DNASE1L2: variants seen among roughly 807,000 people sequenced by gnomAD.
DNASE1L2 encodes deoxyribonuclease 1 like 2.
In DNASE1L2, 35 loss-of-function variants were observed where a neutral mutation model predicts 31.8. The ratio of observed to expected loss-of-function variants is 1.10; its 90% CI spans 0.84 to 1.46. DNASE1L2 has a LOEUF of 1.46. DNASE1L2 is among the 40% of genes most tolerant of loss of function. The pLI, the probability that DNASE1L2 is intolerant of heterozygous loss-of-function variation, is 0.00. For missense variants in DNASE1L2, 504 were observed against 418.8 expected (o/e 1.20, Z -1.77); for synonymous variants, 211 against 186.5 (o/e 1.13, Z -1.07).
chr16:2,238,480 G>T lies in DNASE1L2; in HGVS notation c.*62G>T. The T allele has an allele frequency of 6.2e-7, 1 of 1,604,346 alleles. No homozygotes were observed. Among genetic ancestry groups the T allele is most frequent in the Non-Finnish European group, 8.5e-7 (1 of 1,172,878 alleles). On this transcript the variant is annotated 3_prime_UTR_variant, in exon 7 of 7. Transcript: ENST00000320700. The stretch of plus-strand genomic sequence containing the variant: ...TGGCTCTGAGGAATGGCCCAACAGT[G>T]GCCCCTTCAGGGTGGCAGCCACCCT...
In DNASE1L2 at chr16:2,236,921, CA is replaced by C. The variant is rs1418457762; in HGVS notation, c.108del (p.Val37CysfsTer51). On this transcript the variant is annotated frameshift_variant, in exon 2 of 7. Coordinates refer to ENST00000320700, the MANE Select transcript of DNASE1L2 (RefSeq NM_001374.3). LOFTEE classifies it high-confidence loss of function. ...AFNIQSFGDS[K>X]VSDPACGSII... ...TCAACATTCAGAGCTTCGGTGACAG[CA>C]AAGTGTCGGACCCCGCTTGCGGCAG... is the stretch of plus-strand genomic sequence containing the variant. 2 of 1,582,886 alleles carry C rather than the reference CA, an allele frequency of 1.3e-6. No individual in the cohort carries two copies. Among genetic ancestry groups the C allele is most frequent in the African/African-American group, 2.7e-5 (2 of 74,582 alleles).
Position 2,237,369 on chromosome 16 carries a change from C to A in DNASE1L2, c.318-7C>A. 6.2e-7 allele frequency: 1 copy of A among 1,602,648 alleles called. No homozygotes were observed. The highest frequency in any genetic ancestry group is 8.5e-7 in the Non-Finnish European group (1 of 1,176,380). The stretch of plus-strand genomic sequence containing the variant: ...CGGGGGCTCAGCGGGTCCTCCCCAT[C>A]TCCTAGGAAAGACGCGGTGTCGGTC... On this transcript the variant is annotated splice_polypyrimidine_tract_variant and splice_region_variant and intron_variant, in intron 4 of 6. Coordinates refer to ENST00000320700, the MANE Select transcript of DNASE1L2 (RefSeq NM_001374.3).
chr16:2,238,557 C>G lies in DNASE1L2; in HGVS notation c.*139C>G. On this transcript the variant is annotated 3_prime_UTR_variant, in exon 7 of 7. Transcript: ENST00000320700. The stretch of plus-strand genomic sequence containing the variant: ...CTGGGCGTGGACCAGGGGCCATGGA[C>G]ACGTGATGTGCTGCTCTGTACCTCC... The G allele has an allele frequency of 1.0e-6, 1 of 988,392 alleles. No individual in the cohort carries two copies. The highest frequency in any genetic ancestry group is 1.6e-6 in the Non-Finnish European group (1 of 642,276). 61.2% of individuals were successfully genotyped at this position (988,392 alleles called of 1,614,324 possible).
chr16:2,238,679 C>T lies in DNASE1L2; in HGVS notation c.*261C>T. On this transcript the variant is annotated 3_prime_UTR_variant, in exon 7 of 7. Coordinates refer to ENST00000320700, the MANE Select transcript of DNASE1L2 (RefSeq NM_001374.3). ...GGGCACTGCCCGGCAGATGTCTGCT[C>T]AATAAATGAGCTGCTCCCGGTCGGG... The T allele has an allele frequency of 3.7e-6, 2 of 545,486 alleles. No individual in the cohort carries two copies. The highest frequency in any genetic ancestry group is 6.6e-6 in the Non-Finnish European group (2 of 301,004). 33.8% of individuals were successfully genotyped at this position (545,486 alleles called of 1,614,324 possible). A position where few individuals can be genotyped will look rare whatever the true frequency, so the allele number is the denominator to read the frequency against.
chr16:2,237,676 C>A (rs762741395), intron 5 of DNASE1L2, 27 bp downstream of exon 5: 29 of 1,589,930 alleles, frequency 1.8e-5, no homozygotes, highest in Non-Finnish European at 1.7e-6. Context: ...GTCCCGGGGT[C>A]CCTGCAGGCG....
chr16:2,238,684 A>C lies in DNASE1L2; in HGVS notation c.*266A>C. ...CTGCCCGGCAGATGTCTGCTCAATA[A>C]ATGAGCTGCTCCCGGTCGGGCCCCA... On this transcript the variant is annotated 3_prime_UTR_variant, in exon 7 of 7. Transcript: ENST00000320700. 4 of 512,930 alleles carry C rather than the reference A, an allele frequency of 7.8e-6. No homozygotes were observed. The highest frequency in any genetic ancestry group is 7.1e-6 in the Non-Finnish European group (2 of 280,688). The allele number at this position is 512,930 out of a possible 1,614,324, so 31.8% of individuals were successfully genotyped here. A position where few individuals can be genotyped will look rare whatever the true frequency, so the allele number is the denominator to read the frequency against.
chr16:2,236,555 T>A lies in DNASE1L2; in HGVS notation c.-45T>A. The stretch of plus-strand genomic sequence containing the variant: ...TGAGCCTCGGGCCTCTGCACCCACA[T>A]CCAAGGTGAGTCTCTCGGCTGCCCT... On this transcript the variant is annotated 5_prime_UTR_variant, in exon 1 of 7. Coordinates refer to ENST00000320700, the MANE Select transcript of DNASE1L2 (RefSeq NM_001374.3). 1 of 1,267,044 alleles carries A rather than the reference T, an allele frequency of 7.9e-7. No homozygotes were observed. The highest frequency in any genetic ancestry group is 9.9e-7 in the Non-Finnish European group (1 of 1,008,566). The allele number at this position is 1,267,044 out of a possible 1,614,324, so 78.5% of individuals were successfully genotyped here.
At chr16:2,236,615 G>T (rs780864678) in intron 1 of DNASE1L2, 55 bp downstream of exon 1, 27 of 1,349,582 alleles carry the variant, frequency 2.0e-5, no homozygotes, top group Non-Finnish European at 2.6e-5. Flanking sequence ...CCTCCATTCC[G>T]GCTGCAGCTT....
Position 2,236,571 on chromosome 16 carries a change from C to T in DNASE1L2, c.-40+11C>T. ...GCACCCACATCCAAGGTGAGTCTCT[C>T]GGCTGCCCTGAGCTGGGGCTGGATG... is the stretch of plus-strand genomic sequence containing the variant. On this transcript the variant is annotated intron_variant, in intron 1 of 6. Coordinates refer to ENST00000320700, the MANE Select transcript of DNASE1L2 (RefSeq NM_001374.3). 7.7e-7 allele frequency: 1 copy of T among 1,290,418 alleles called. No homozygotes were observed. The highest frequency in any genetic ancestry group is 3.1e-5 in the East Asian group (1 of 32,326). 79.9% of individuals were successfully genotyped at this position (1,290,418 alleles called of 1,614,324 possible). A position where few individuals can be genotyped will look rare whatever the true frequency, so the allele number is the denominator to read the frequency against.
In DNASE1L2 at chr16:2,237,607, C is replaced by A; in HGVS notation, c.549C>A (p.Leu183=). 6.2e-7 allele frequency: 1 copy of A among 1,611,504 alleles called. No individual in the cohort carries two copies. The highest frequency in any genetic ancestry group is 8.5e-7 in the Non-Finnish European group (1 of 1,179,274). ...AAGCCGTGGCGGAGATCGACGCGCT[C>A]TACGACGTGTACCTGGACGTGATCG... The part of the protein sequence containing the change: ...PHQAVAEIDA[L]YDVYLDVIDK... The change falls in exon 5 of 7, where the codon CTC becomes CTA. Residue 183 remains leucine (L), a synonymous_variant. Transcript: ENST00000320700.
At position 2,238,590 on chromosome 16, in the gene DNASE1L2, A is replaced by C; in HGVS notation, c.*172A>C. ...GTGCTGCTCTGTACCTCCGTTCCCC[A>C]TCTGTGGGACGGGCTGCATCCAGCG... On this transcript the variant is annotated 3_prime_UTR_variant, in exon 7 of 7. Coordinates refer to ENST00000320700, the MANE Select transcript of DNASE1L2 (RefSeq NM_001374.3). 1 of 763,972 alleles carries C rather than the reference A, an allele frequency of 1.3e-6. No individual in the cohort carries two copies. The highest frequency in any genetic ancestry group is 2.2e-6 in the Non-Finnish European group (1 of 463,010). 47.3% of individuals were successfully genotyped at this position (763,972 alleles called of 1,614,324 possible). A position where few individuals can be genotyped will look rare whatever the true frequency, so the allele number is the denominator to read the frequency against.
At chr16:2,237,012 C>A (rs1011507073) in intron 2 of DNASE1L2, 26 bp from the exon 3 acceptor site, 2 of 1,545,738 alleles carry the variant, frequency 1.3e-6, no homozygotes, top group Non-Finnish European at 1.7e-6. Flanking sequence ...ACCGCGCTGA[C>A]CCCCGCACCC....
chr16:2,237,232 A>G lies in DNASE1L2; in HGVS notation c.248A>G (p.Glu83Gly). The G allele has an allele frequency of 6.3e-7, 1 of 1,579,234 alleles. No individual in the cohort carries two copies. The highest frequency in any genetic ancestry group is 8.6e-7 in the Non-Finnish European group (1 of 1,163,378). ...TGTCTCCGCAGCGTGTCCGAGCACG[A>G]GTACAGCTTTGTGAGCAGCCAGCCC... is the stretch of plus-strand genomic sequence containing the variant. ...MEQINSVSEH[E>G]YSFVSSQPLG... The change falls in exon 4 of 7, where the codon GAG becomes GGG. Residue 83 changes from glutamate to glycine, a missense_variant. Physicochemically the swap from Glu to Gly is moderately conservative, Grantham distance 98 (BLOSUM62 -2). Transcript: ENST00000320700.
At position 2,237,815 on chromosome 16, in the gene DNASE1L2, G is replaced by A. The variant is rs1388748016; in HGVS notation, c.640G>A (p.Ala214Thr). The part of the protein sequence containing the change: ...DFNADCSYVR[A>T]QDWAAIRLRS... ...CAACGCCGACTGCAGCTATGTGCGGGCGCAGGACTGGGCCGCCATCCGTCT... is the reference window on the plus strand; with the variant it reads ...CAACGCCGACTGCAGCTATGTGCGGACGCAGGACTGGGCCGCCATCCGTCT... The change falls in exon 6 of 7, where the codon GCG becomes ACG. Residue 214 changes from alanine (A) to threonine (T), a missense_variant. By Grantham distance (58) the Ala-to-Thr change is moderately conservative. Coordinates refer to ENST00000320700, the MANE Select transcript of DNASE1L2 (RefSeq NM_001374.3). 2 of 1,610,970 alleles carry A rather than the reference G, an allele frequency of 1.2e-6. No individual in the cohort carries two copies. The highest frequency in any genetic ancestry group is 2.7e-5 in the African/African-American group (2 of 75,006).
At position 2,236,760 on chromosome 16, in the gene DNASE1L2, G is replaced by C; in HGVS notation, c.-39-18G>C. On this transcript the variant is annotated intron_variant, in intron 1 of 6. Transcript: ENST00000320700. ...AGGGAAGGGGTGGGTCGGTGGGTCT[G>C]ACAGCGGGTCTGCGTAGGCGGCAGC... The C allele has an allele frequency of 1.3e-6, 2 of 1,513,294 alleles. No individual in the cohort carries two copies. The highest frequency in any genetic ancestry group is 4.7e-5 in the East Asian group (2 of 42,666). 93.7% of individuals were successfully genotyped at this position (1,513,294 alleles called of 1,614,324 possible).
In DNASE1L2 at chr16:2,237,884, G is replaced by A. The variant is rs1323311444; in HGVS notation, c.709G>A (p.Asp237Asn). The A allele has an allele frequency of 1.2e-6, 2 of 1,612,546 alleles. No individual in the cohort carries two copies. The highest frequency in any genetic ancestry group is 2.7e-5 in the African/African-American group (2 of 74,930). Reference sequence around the variant, plus strand: ...CAAGTGGCTCATCCCTGACAGCGCCGACACCACGGTGGGCAACTCAGACTG... The same window carrying A: ...CAAGTGGCTCATCCCTGACAGCGCCAACACCACGGTGGGCAACTCAGACTG... ...VFKWLIPDSA[D>N]TTVGNSDCAY... The change falls in exon 6 of 7, where the codon GAC (aspartate) becomes AAC (asparagine). Residue 237 changes from aspartate (D) to asparagine (N), a missense_variant. By Grantham distance (23) the Asp-to-Asn change is conservative. Transcript: ENST00000320700.
At chr16:2,238,195 G>T (rs554458204) in intron 6 of DNASE1L2, among the ~76,000 whole-genome samples, 167 bp from the exon 7 acceptor site, 1 of 152,142 alleles carries the variant, frequency 6.6e-6, no homozygotes, top group African/African-American at 2.4e-5. Flanking sequence ...GGGCAGGCAG[G>T]GTACCTTGCC....
In DNASE1L2 at chr16:2,237,650, G is replaced by A. The variant is rs200639506; in HGVS notation, c.591+1G>A. 2.9e-4 allele frequency: 467 copies of A among 1,597,264 alleles called. No homozygotes were observed. The highest frequency in any genetic ancestry group is 2.5e-3 in the Middle Eastern group (15 of 6,008). On this transcript the variant is annotated splice_donor_variant, in intron 5 of 6. Transcript: ENST00000320700. LOFTEE classifies it high-confidence loss of function. ...CGTGATCGACAAGTGGGGCACCGACGTAAGCCCACCCCTCGGTCCCGGGGT... is the reference window on the plus strand; with the variant it reads ...CGTGATCGACAAGTGGGGCACCGACATAAGCCCACCCCTCGGTCCCGGGGT...
rs2093517575 is a variant in DNASE1L2 at position 2,237,904 on chromosome 16, A to G, written c.729A>G (p.Ser243=). ...PDSADTTVGN[S]DCAYDRIVAC... is the part of the protein sequence containing the mutation. Reference sequence around the variant, plus strand: ...GCGCCGACACCACGGTGGGCAACTCAGACTGCGCCTACGACCGCATTGTGG... The same window carrying G: ...GCGCCGACACCACGGTGGGCAACTCGGACTGCGCCTACGACCGCATTGTGG... The change falls in exon 6 of 7, where the codon TCA becomes TCG. Residue 243 remains serine, a synonymous_variant. Transcript: ENST00000320700. The G allele has an allele frequency of 1.2e-6, 2 of 1,612,550 alleles. No individual in the cohort carries two copies. Among genetic ancestry groups the G allele is most frequent in the Non-Finnish European group, 1.7e-6 (2 of 1,179,830 alleles).
Sources: gnomAD v4.1 joint callset for allele counts (sites outside exome capture counted in the v4.1 genomes callset) on GRCh38, gnomAD v4.1.1 for gene constraint, MANE v1.5 for transcripts, NCBI Gene and HGNC (gene_info 2026-07-23, HGNC 2026-07-21) for gene names.